The following SYN3 variants were observed in gnomAD, a reference collection of about 807,000 sequenced individuals.
SYN3 encodes synapsin-3.
In SYN3, 35 loss-of-function variants were observed where a neutral mutation model predicts 65.8. The observed-to-expected ratio is 0.53, with a 90% CI of 0.41 to 0.70. The LOEUF (loss-of-function observed/expected upper bound fraction) is 0.70. SYN3 is among the 30% of genes least tolerant of loss of function. The probability of loss-of-function intolerance (pLI) is 0.00; values close to 1 mark genes in which losing one functional copy is unlikely to be tolerated. For synonymous variants in SYN3, 270 were observed against 292.9 expected, an observed-to-expected ratio of 0.92 and a Z score of 0.80; for missense variants, 680 against 749.0, an observed-to-expected ratio of 0.91 and a Z score of 1.08.
At chr22:32,671,575 A>G (rs1186549599) in intron 6 of SYN3, among the ~76,000 whole-genome samples, 24 of 112,772 alleles carry the variant, frequency 2.1e-4, no homozygotes, top group Admixed American at 1.8e-3. Context: ...GCTCTCAAAC[A>G]AGTGCACACA....
At chr22:32,702,668 G>C (rs189641616) in intron 6 of SYN3, among the ~76,000 whole-genome samples, 2 of 152,128 alleles carry the variant, frequency 1.3e-5, no homozygotes, top group African/African-American at 4.8e-5. Context: ...TTCAAATGAA[G>C]TACTTAATTA....
At chr22:32,980,809 G>T in intron 2 of SYN3, 107 bp from the exon 3 acceptor site, 1 of 925,880 alleles carries the variant, frequency 1.1e-6, no homozygotes, top group Non-Finnish European at 1.7e-6. Flanking sequence ...CACATCCTCA[G>T]CCATCCTACT....
chr22:32,882,127 C>T (rs534444284), intron 4 of SYN3, among the ~76,000 whole-genome samples: 13 of 151,894 alleles, frequency 8.6e-5, no homozygotes, highest in Non-Finnish European at 8.8e-5. Flanking sequence ...CTGTCTGTGA[C>T]GGGACCTGGG....
At chr22:33,029,997 T>A (rs2053720327) in intron 1 of SYN3, among the ~76,000 whole-genome samples, 2 of 152,176 alleles carry the variant, frequency 1.3e-5, no homozygotes, top group Non-Finnish European at 2.9e-5. Context: ...TGTTTTTGAC[T>A]CATCCTCACT....
intron 1 of SYN3, among the ~76,000 whole-genome samples, chr22:33,022,070 C>A (rs910151981): frequency 6.6e-6 from 1 of 152,104 alleles, no homozygotes; most frequent in African/African-American, 2.4e-5. Context: ...CTAAGTTGAA[C>A]GAAAATTGGA....
intron 7 of SYN3, among the ~76,000 whole-genome samples, chr22:32,596,247 T>C (rs1025509193): frequency 6.6e-6 from 1 of 152,168 alleles, no homozygotes; most frequent in African/African-American, 2.4e-5. Flanking sequence ...TAAACCTCTT[T>C]TCTTTAAAAT....
intron 3 of SYN3, among the ~76,000 whole-genome samples, chr22:32,948,765 G>A (rs9621607): frequency 2.2e-4 from 18 of 82,176 alleles, no homozygotes; most frequent in Non-Finnish European, 3.0e-4. Context: ...TAAGTTCCTC[G>A]GTATGGTTTT....
chr22:32,911,866 C>T (rs2146584654), intron 4 of SYN3, among the ~76,000 whole-genome samples: 1 of 152,266 alleles, frequency 6.6e-6, no homozygotes, highest in South Asian at 2.1e-4. Context: ...AGGCCCAACA[C>T]CCACTCCGAC....
chr22:32,711,425 T>C (rs557018219), intron 6 of SYN3, among the ~76,000 whole-genome samples: 1 of 152,208 alleles, frequency 6.6e-6, no homozygotes, highest in South Asian at 2.1e-4. Context: ...ACCAATAAAG[T>C]TTAAACACCA....
chr22:32,600,448 C>T (rs962350970), intron 6 of SYN3, among the ~76,000 whole-genome samples: 2 of 152,128 alleles, frequency 1.3e-5, no homozygotes, highest in African/African-American at 4.8e-5. Context: ...TTCTAACAGG[C>T]CATGGACCTG....
At chr22:33,033,957 G>T (rs1335438837) in intron 1 of SYN3, among the ~76,000 whole-genome samples, 2 of 151,916 alleles carry the variant, frequency 1.3e-5, no homozygotes, top group Non-Finnish European at 2.9e-5. Flanking sequence ...GGCTGAGGCG[G>T]GTGGATCACC....
intron 6 of SYN3, among the ~76,000 whole-genome samples, chr22:32,702,252 T>A (rs914848120): frequency 6.6e-6 from 1 of 151,794 alleles, no homozygotes; most frequent in African/African-American, 2.4e-5. Context: ...CTGAGGCGGG[T>A]GGATCACGAG....
At chr22:33,034,525 G>T (rs2053817406) in intron 1 of SYN3, among the ~76,000 whole-genome samples, 1 of 151,730 alleles carries the variant, frequency 6.6e-6, no homozygotes, top group Admixed American at 6.6e-5. Flanking sequence ...GGATTACAGG[G>T]GTGAGCCACC....
intron 6 of SYN3, among the ~76,000 whole-genome samples, chr22:32,846,581 A>G (rs903159891): frequency 9.9e-5 from 15 of 152,198 alleles, no homozygotes; most frequent in Admixed American, 2.6e-4. Flanking sequence ...CATCATTCCC[A>G]TCTTACAGAT....
chr22:32,541,786 G>C, intron 7 of SYN3, 73 bp from the exon 8 acceptor site: 1 of 1,540,732 alleles, frequency 6.5e-7, no homozygotes, highest in South Asian at 1.2e-5. Flanking sequence ...CCAGGAACAA[G>C]TGCTCTGTCT....
intron 4 of SYN3, 85 bp from the exon 5 acceptor site, chr22:32,869,210 C>T (rs1357009739): frequency 6.7e-7 from 1 of 1,482,002 alleles, no homozygotes; most frequent in Non-Finnish European, 9.2e-7. Flanking sequence ...GGGATGATAG[C>T]ACTGACTTGC....
chr22:32,610,644 G>A (rs114700658), intron 6 of SYN3, among the ~76,000 whole-genome samples: 12,022 of 142,028 alleles, frequency 0.085, 764 homozygotes, highest in East Asian at 0.28. Context: ...GTGCAATCAC[G>A]CAATCTTGGC....
chr22:32,988,113 C>A (rs945286170), intron 2 of SYN3, among the ~76,000 whole-genome samples: 2 of 151,842 alleles, frequency 1.3e-5, no homozygotes, highest in Non-Finnish European at 2.9e-5. Flanking sequence ...TCAAGACCAT[C>A]CTGGCCAACA....
intron 6 of SYN3, among the ~76,000 whole-genome samples, chr22:32,852,426 G>A (rs2146260756): frequency 6.6e-6 from 1 of 152,288 alleles, no homozygotes; most frequent in South Asian, 2.1e-4. Context: ...TGCAAAGGGT[G>A]TATCAGAAAA....
Sources: gnomAD v4.1 joint callset for allele counts (sites outside exome capture counted in the v4.1 genomes callset) on GRCh38, gnomAD v4.1.1 for gene constraint, MANE v1.5 for transcripts, NCBI Gene and HGNC (gene_info 2026-07-23, HGNC 2026-07-21) for gene names.